Variants in ZCCHC7 observed in about 807,000 individuals in gnomAD.
ZCCHC7 encodes zinc finger CCHC-type containing 7.
Under a neutral mutation model 52.0 loss-of-function variants are expected in ZCCHC7, and 35 were observed. The observed-to-expected ratio is 0.67, with a 90% CI of 0.51 to 0.89. The LOEUF (loss-of-function observed/expected upper bound fraction) is 0.89, where lower values mean the gene tolerates loss of function less well. ZCCHC7 is among the 40% of genes least tolerant of loss of function. The probability of loss-of-function intolerance (pLI) is 0.00; values close to 1 mark genes in which losing one functional copy is unlikely to be tolerated. For missense variants in ZCCHC7, 574 were observed against 649.1 expected (o/e 0.88, Z 1.26); for synonymous variants, 217 against 221.5 (o/e 0.98, Z 0.18).
chr9:37,348,133 T>C (rs185187317), intron 6 of ZCCHC7, among the ~76,000 whole-genome samples: 91 of 152,304 alleles, frequency 6.0e-4, no homozygotes, highest in African/African-American at 2.1e-3. Flanking sequence ...CAGACTCTTC[T>C]GTCTCTACAT....
At chr9:37,170,003 G>A (rs1233863289) in intron 2 of ZCCHC7, among the ~76,000 whole-genome samples, 1 of 151,784 alleles carries the variant, frequency 6.6e-6, no homozygotes, top group African/African-American at 2.4e-5. Context: ...AGTTGAGACT[G>A]TAATGAGCTA....
At chr9:37,303,052 A>G (rs1288122789) in intron 3 of ZCCHC7, among the ~76,000 whole-genome samples, 1 of 152,248 alleles carries the variant, frequency 6.6e-6, no homozygotes, top group Non-Finnish European at 1.5e-5. Context: ...AGACAAAGTC[A>G]TAAAAACACC....
intron 6 of ZCCHC7, among the ~76,000 whole-genome samples, chr9:37,346,507 C>T (rs1365926014): frequency 2.0e-5 from 3 of 152,054 alleles, no homozygotes; most frequent in Non-Finnish European, 4.4e-5. Context: ...AAAACCCCAT[C>T]TCTACTAAAA....
intron 4 of ZCCHC7, among the ~76,000 whole-genome samples, chr9:37,305,150 A>G (rs1176337255): frequency 5.9e-5 from 9 of 152,216 alleles, no homozygotes; most frequent in Admixed American, 5.9e-4. Flanking sequence ...ACTGCTTTTC[A>G]AATAGTTCAG....
chr9:37,208,821 A>G (rs1236292646), intron 2 of ZCCHC7, among the ~76,000 whole-genome samples: 3 of 152,174 alleles, frequency 2.0e-5, no homozygotes, highest in African/African-American at 7.2e-5. Context: ...CTTTTAACAC[A>G]TAAATCAGAC....
At chr9:37,190,828 G>C (rs980303825) in intron 2 of ZCCHC7, among the ~76,000 whole-genome samples, 4 of 152,062 alleles carry the variant, frequency 2.6e-5, no homozygotes, top group African/African-American at 9.7e-5. Context: ...AGACCAGCCT[G>C]ACCAACATGG....
At chr9:37,240,430 T>A (rs542633081) in intron 2 of ZCCHC7, among the ~76,000 whole-genome samples, 1 of 152,054 alleles carries the variant, frequency 6.6e-6, no homozygotes, top group African/African-American at 2.4e-5. Flanking sequence ...ATTAATCTGA[T>A]ATTTAATTAG....
At chr9:37,140,680 A>G (rs1340975812) in intron 2 of ZCCHC7, among the ~76,000 whole-genome samples, 1 of 151,946 alleles carries the variant, frequency 6.6e-6, no homozygotes, top group Non-Finnish European at 1.5e-5. Flanking sequence ...TAAGTGTTGT[A>G]CCACAGGTCA....
At chr9:37,311,230 T>A (rs554336291) in intron 5 of ZCCHC7, among the ~76,000 whole-genome samples, 1 of 152,244 alleles carries the variant, frequency 6.6e-6, no homozygotes, top group African/African-American at 2.4e-5. Flanking sequence ...ACTGAGTTAG[T>A]CAGTGTCAGA....
intron 5 of ZCCHC7, among the ~76,000 whole-genome samples, chr9:37,311,129 A>G (rs1003546562): frequency 3.9e-5 from 6 of 152,144 alleles, no homozygotes; most frequent in Non-Finnish European, 7.3e-5. Context: ...CTGTGATACC[A>G]TAGAGCTTTA....
At chr9:37,265,009 A>T (rs1345433474) in intron 2 of ZCCHC7, among the ~76,000 whole-genome samples, 2 of 152,148 alleles carry the variant, frequency 1.3e-5, no homozygotes, top group Non-Finnish European at 1.5e-5. Flanking sequence ...TGTAGGGTAG[A>T]TGATAAATTT....
intron 2 of ZCCHC7, among the ~76,000 whole-genome samples, chr9:37,133,554 T>G (rs527278196): frequency 4.1e-4 from 63 of 151,940 alleles, no homozygotes; most frequent in Non-Finnish European, 7.4e-4. Context: ...TTTTGTATTT[T>G]TATTTTTTAT....
intron 2 of ZCCHC7, among the ~76,000 whole-genome samples, chr9:37,211,291 G>GT (rs1287424382): frequency 6.6e-6 from 1 of 152,122 alleles, no homozygotes; most frequent in African/African-American, 2.4e-5. Context: ...AAGGTGTGAA[G>GT]TTTAAGTTTA....
At chr9:37,155,176 C>T (rs2132859551) in intron 2 of ZCCHC7, among the ~76,000 whole-genome samples, 1 of 152,098 alleles carries the variant, frequency 6.6e-6, no homozygotes, top group South Asian at 2.1e-4. Context: ...CTGGCTAACA[C>T]AGTGAAACCC....
chr9:37,279,998 C>G (rs539462951), intron 2 of ZCCHC7, among the ~76,000 whole-genome samples: 1 of 152,038 alleles, frequency 6.6e-6, no homozygotes, highest in Admixed American at 6.5e-5. Flanking sequence ...ACTAAAAATA[C>G]AAAAAATTAG....
At chr9:37,183,001 G>C (rs1176364606) in intron 2 of ZCCHC7, among the ~76,000 whole-genome samples, 3 of 152,170 alleles carry the variant, frequency 2.0e-5, no homozygotes, top group African/African-American at 7.2e-5. Context: ...CCAACTCTAA[G>C]CAGGGTCAGG....
intron 6 of ZCCHC7, among the ~76,000 whole-genome samples, chr9:37,345,652 C>T (rs891679866): frequency 2.0e-5 from 3 of 150,584 alleles, no homozygotes; most frequent in Non-Finnish European, 2.9e-5. Context: ...CCCAGGAGGC[C>T]GAGGTTGCAG....
chr9:37,304,434 A>G (rs1296435959), intron 4 of ZCCHC7, 121 bp downstream of exon 4: 1 of 1,200,422 alleles, frequency 8.3e-7, no homozygotes, highest in Non-Finnish European at 1.2e-6. Context: ...CAGGTGGATC[A>G]TGAGGTCAGG....
intron 2 of ZCCHC7, among the ~76,000 whole-genome samples, chr9:37,258,721 A>G (rs1425834743): frequency 7.4e-6 from 1 of 135,356 alleles, no homozygotes; most frequent in African/African-American, 2.9e-5. Context: ...GTGCCACTGC[A>G]CTTTAGCCTG....
Sources: allele counts gnomAD v4.1 joint callset (sites outside exome capture counted in the v4.1 genomes callset), GRCh38; gene constraint gnomAD v4.1.1; transcripts MANE v1.5; gene names NCBI Gene and HGNC (gene_info 2026-07-23, HGNC 2026-07-21).